Variants in PDE4D observed in about 807,000 individuals in gnomAD.
The protein encoded by PDE4D is phosphodiesterase 4D.
PDE4D carries 24 observed loss-of-function variants against 87.4 expected under a neutral mutation model. That is an observed-to-expected ratio of 0.27 (90% CI 0.20 to 0.39). PDE4D has a LOEUF of 0.39. Among genes scored for constraint, PDE4D ranks in the 10% least tolerant of loss-of-function variants. The probability of loss-of-function intolerance (pLI) is 1.00; values close to 1 mark genes in which losing one functional copy is unlikely to be tolerated. For synonymous variants in PDE4D, 384 were observed against 383.2 expected (o/e 1.00, Z -0.02); for missense variants, 714 against 1,041.0 (o/e 0.69, Z 4.32).
intron 1 of PDE4D, among the ~76,000 whole-genome samples, chr5:59,538,965 G>T (rs1480837786): frequency 6.6e-6 from 1 of 152,096 alleles, no homozygotes; most frequent in Admixed American, 6.6e-5. Flanking sequence ...CACACTGTAG[G>T]CTTTAGTGCC....
chr5:59,039,088 C>T, intron 5 of PDE4D, 117 bp from the exon 6 acceptor site: 2 of 1,470,868 alleles, frequency 1.4e-6, no homozygotes, highest in Non-Finnish European at 9.0e-7. Flanking sequence ...GGTGCCGGCA[C>T]ATGAGGGCTG....
chr5:60,340,162 C>CA (rs1758179340), intron 1 of PDE4D, among the ~76,000 whole-genome samples: 1 of 151,520 alleles, frequency 6.6e-6, no homozygotes, highest in African/African-American at 2.4e-5. Flanking sequence ...GCCCACGGCG[C>CA]GATGTTCAGG....
chr5:59,449,384 A>G (rs1214800014), intron 1 of PDE4D, among the ~76,000 whole-genome samples: 1 of 152,218 alleles, frequency 6.6e-6, no homozygotes, highest in Non-Finnish European at 1.5e-5. Flanking sequence ...CACATTAAGC[A>G]GATATAGTTT....
chr5:59,533,995 G>T (rs946329262), intron 1 of PDE4D, among the ~76,000 whole-genome samples: 1 of 152,132 alleles, frequency 6.6e-6, no homozygotes, highest in Non-Finnish European at 1.5e-5. Flanking sequence ...AGCTGAAAAA[G>T]CCTCTGCTGC....
chr5:58,982,159 A>G (rs1185075757), intron 11 of PDE4D, among the ~76,000 whole-genome samples: 1 of 152,166 alleles, frequency 6.6e-6, no homozygotes, highest in Non-Finnish European at 1.5e-5. Flanking sequence ...GGGGGTAATT[A>G]TGAGTCGTAA....
At chr5:60,268,272 A>G (rs773348284) in intron 1 of PDE4D, among the ~76,000 whole-genome samples, 3 of 152,236 alleles carry the variant, frequency 2.0e-5, no homozygotes, top group Non-Finnish European at 2.9e-5. Context: ...TGTTTAAGAA[A>G]GTAATAGATA....
rs1043765010 is a variant in PDE4D, at chr5:60,094,933, T to G, written c.42+90624A>C. The stretch of plus-strand genomic sequence containing the variant: ...GATCACTCTTTATTTGTCTTCACCC[T>G]CATGAAAGCAAAATGTACAAATAGA... On this transcript the variant is annotated intron_variant, in intron 2 of 16. Coordinates refer to the PDE4D transcript ENST00000502484. 4.6e-5 allele frequency among the ~76,000 whole-genome samples: 7 copies of G among 152,174 alleles called. No individual in the cohort carries two copies. In the South Asian group the frequency reaches 8.3e-4, roughly 18 times the overall value.
At chr5:60,106,654 C>T (rs899794444) in intron 2 of PDE4D, among the ~76,000 whole-genome samples, 8 of 152,140 alleles carry the variant, frequency 5.3e-5, no homozygotes, top group African/African-American at 1.9e-4. Context: ...TTATAACAAA[C>T]TGTCTCTCAG....
intron 1 of PDE4D, among the ~76,000 whole-genome samples, chr5:60,283,470 T>G (rs1752132612): frequency 6.6e-6 from 1 of 152,160 alleles, no homozygotes; most frequent in Non-Finnish European, 1.5e-5. Flanking sequence ...AAGCCACTTA[T>G]GAAATTTTGT....
chr5:60,318,643 T>G (rs1347721371), intron 1 of PDE4D, among the ~76,000 whole-genome samples: 1 of 152,206 alleles, frequency 6.6e-6, no homozygotes, highest in African/African-American at 2.4e-5. Flanking sequence ...TTTCCATGTT[T>G]AGTGCTTCCT....
chr5:60,492,597 A>G (rs1749589869), upstream of PDE4D, among the ~76,000 whole-genome samples: 1 of 152,198 alleles, frequency 6.6e-6, no homozygotes, highest in Non-Finnish European at 1.5e-5. Flanking sequence ...TTGCAGGGAG[A>G]TGGATGAAGC....
chr5:60,080,390 T>C (rs1045492336), intron 2 of PDE4D, among the ~76,000 whole-genome samples: 6 of 152,216 alleles, frequency 3.9e-5, no homozygotes, highest in African/African-American at 1.4e-4. Flanking sequence ...CTTGCCTGAT[T>C]GCCCTGGTCA....
chr5:59,190,472 G>C (rs1206944112), intron 3 of PDE4D, among the ~76,000 whole-genome samples: 1 of 151,904 alleles, frequency 6.6e-6, no homozygotes, highest in Admixed American at 6.6e-5. Context: ...GTAATTCTTT[G>C]GCCTACTTGG....
chr5:59,298,238 G>T (rs1459658754), intron 1 of PDE4D, among the ~76,000 whole-genome samples: 3 of 150,100 alleles, frequency 2.0e-5, no homozygotes, highest in Admixed American at 1.3e-4. Context: ...GTCTCAGCCT[G>T]CCAAGTGGCT....
At chr5:59,472,051 A>C (rs1474905537) in intron 1 of PDE4D, among the ~76,000 whole-genome samples, 14 of 152,188 alleles carry the variant, frequency 9.2e-5, no homozygotes. Context: ...TGAAAAACAC[A>C]GAGAAAGAGA....
At chr5:59,216,969 T>C in intron 1 of PDE4D, 2 of 253,094 alleles carry the variant, frequency 7.9e-6, no homozygotes, top group Non-Finnish European at 1.6e-5. Flanking sequence ...TCTCTACAAA[T>C]GGAGACTCAG....
At chr5:60,050,384 C>G (rs1353837111) in intron 2 of PDE4D, among the ~76,000 whole-genome samples, 1 of 152,178 alleles carries the variant, frequency 6.6e-6, no homozygotes, top group Non-Finnish European at 1.5e-5. Flanking sequence ...CATCTTGGCT[C>G]CTCCCCCAGG....
chr5:59,866,062 T>C (rs1443195599), intron 1 of PDE4D, among the ~76,000 whole-genome samples: 1 of 152,228 alleles, frequency 6.6e-6, no homozygotes, highest in South Asian at 2.1e-4. Context: ...AGTATATGAG[T>C]AAGAAAGCTT....
chr5:60,505,572 A>G (rs552627520), intron 1 of PDE4D, among the ~76,000 whole-genome samples: 5 of 152,188 alleles, frequency 3.3e-5, no homozygotes, highest in Non-Finnish European at 7.3e-5. Context: ...GGTTCTTTTC[A>G]TCATAGGTTT....
Sources: gnomAD v4.1 joint callset for allele counts (sites outside exome capture counted in the v4.1 genomes callset) on GRCh38, gnomAD v4.1.1 for gene constraint, MANE v1.5 for transcripts, NCBI Gene and HGNC (gene_info 2026-07-23, HGNC 2026-07-21) for gene names.